The following PRP4K variants were observed in gnomAD, a reference collection of about 807,000 sequenced individuals.
PRP4K encodes the protein serine/threonine-protein kinase PRP4 homolog.
At chr6:4,035,353 G>A in the PRP4K span, among the ~76,000 whole-genome samples, 1 of 133,550 alleles carries the variant, frequency 7.5e-6, no homozygotes, top group Non-Finnish European at 1.5e-5. Flanking sequence ...CCCCACGTTG[G>A]CCAGGCTGGT....
At chr6:4,032,552 A>G in the PRP4K span, 1 of 1,613,666 alleles carries the variant, frequency 6.2e-7, no homozygotes, top group Non-Finnish European at 8.5e-7. Flanking sequence ...CCAGCAGAAG[A>G]CCTGGTCGTA....
At chr6:4,030,464 TG>T in the PRP4K span, among the ~76,000 whole-genome samples, 1 of 152,224 alleles carries the variant, frequency 6.6e-6, no homozygotes, top group African/African-American at 2.4e-5. Context: ...AGGCCACTTT[TG>T]GTCTGATATT....
the PRP4K span, chr6:4,042,422 A>G: frequency 7.9e-7 from 1 of 1,268,578 alleles, no homozygotes; most frequent in Non-Finnish European, 1.1e-6. Flanking sequence ...TCCTGCCTTT[A>G]ACTTTAAAAT....
the PRP4K span, among the ~76,000 whole-genome samples, chr6:4,048,547 A>G: frequency 6.6e-6 from 1 of 151,924 alleles, no homozygotes; most frequent in Admixed American, 6.6e-5. Context: ...TCTGGTTTTG[A>G]GTTATTTTCT....
the PRP4K span, among the ~76,000 whole-genome samples, chr6:4,047,709 A>T: frequency 6.6e-6 from 1 of 152,196 alleles, no homozygotes; most frequent in Non-Finnish European, 1.5e-5. Context: ...TGATTTCACC[A>T]CTTTTTTCTT....
chr6:4,028,609 C>T, the PRP4K span, among the ~76,000 whole-genome samples: 2 of 152,144 alleles, frequency 1.3e-5, no homozygotes, highest in Non-Finnish European at 2.9e-5. Flanking sequence ...TCTTCTCATA[C>T]TCCATTAGGG....
the PRP4K span, among the ~76,000 whole-genome samples, chr6:4,049,261 G>A: frequency 2.8e-4 from 43 of 152,306 alleles, no homozygotes; most frequent in African/African-American, 1.9e-4. Flanking sequence ...GCATGAACTC[G>A]TGTGTATTCT....
chr6:4,043,678 C>T, the PRP4K span: 1 of 833,610 alleles, frequency 1.2e-6, no homozygotes, highest in Non-Finnish European at 1.9e-6. Context: ...TTTGATTGAA[C>T]CAATAAATAC....
the PRP4K span, chr6:4,047,399 T>C: frequency 2.8e-6 from 2 of 704,282 alleles, no homozygotes; most frequent in Non-Finnish European, 2.3e-6. Context: ...TAGTTTTGCA[T>C]CTTATAAGTC....
At chr6:4,028,772 T>G in the PRP4K span, among the ~76,000 whole-genome samples, 3 of 152,298 alleles carry the variant, frequency 2.0e-5, no homozygotes, top group East Asian at 5.8e-4. Context: ...AGTGGCTATG[T>G]GTTTTTCACT....
the PRP4K span, among the ~76,000 whole-genome samples, chr6:4,022,588 A>G: frequency 5.9e-5 from 9 of 152,140 alleles, no homozygotes; most frequent in Non-Finnish European, 1.2e-4. Flanking sequence ...CCACCAGACA[A>G]CCTGACACTT....
chr6:4,043,884 G>C, the PRP4K span: 7 of 1,614,010 alleles, frequency 4.3e-6, no homozygotes, highest in African/African-American at 9.3e-5. Flanking sequence ...AGAGCAGTAC[G>C]AGAACACGAT....
chr6:4,051,582 T>A, the PRP4K span, among the ~76,000 whole-genome samples: 2 of 152,098 alleles, frequency 1.3e-5, no homozygotes, highest in Non-Finnish European at 2.9e-5. Context: ...CTCCCAAAAT[T>A]CTGGGATTAC....
the PRP4K span, among the ~76,000 whole-genome samples, chr6:4,024,763 G>A: frequency 9.8e-3 from 1,497 of 152,036 alleles, 10 homozygotes; most frequent in Middle Eastern, 0.02. Flanking sequence ...CCACCATGCC[G>A]TGCTAATTTT....
chr6:4,021,352 T>G, the PRP4K span: 9 of 1,547,230 alleles, frequency 5.8e-6, no homozygotes, highest in African/African-American at 1.4e-5. Context: ...CTCTTTTCCT[T>G]CTTCCTCCAC....
At chr6:4,059,360 C>T in the PRP4K span, among the ~76,000 whole-genome samples, 2 of 152,168 alleles carry the variant, frequency 1.3e-5, no homozygotes, top group African/African-American at 4.8e-5. Context: ...TCCTGTGCTG[C>T]CTCACCCCCA....
At chr6:4,061,699 C>T in the PRP4K span, 3 of 152,668 alleles carry the variant, frequency 2.0e-5, no homozygotes, top group Non-Finnish European at 2.9e-5. Context: ...TTTTTAAAAG[C>T]GGTAATTGCT....
chr6:4,035,411 T>A, the PRP4K span, among the ~76,000 whole-genome samples: 1 of 149,184 alleles, frequency 6.7e-6, no homozygotes, highest in Non-Finnish European at 1.5e-5. Flanking sequence ...CCTCCCAAAG[T>A]GTTGGGATTA....
the PRP4K span, chr6:4,057,252 C>G: frequency 6.5e-7 from 1 of 1,535,006 alleles, no homozygotes; most frequent in South Asian, 1.2e-5. Flanking sequence ...ACTGCTGACA[C>G]TTGCTCACCA....
Sources: gnomAD v4.1 joint callset for allele counts (sites outside exome capture counted in the v4.1 genomes callset) on GRCh38, gnomAD v4.1.1 for gene constraint, MANE v1.5 for transcripts, NCBI Gene and HGNC (gene_info 2026-07-23, HGNC 2026-07-21) for gene names.